C10orf90: variants seen among roughly 807,000 people sequenced by gnomAD.
C10orf90 encodes the protein (E2-independent) E3 ubiquitin-conjugating enzyme FATS.
A neutral mutation model predicts 62.5 loss-of-function variants in C10orf90; 56 were observed. The ratio of observed to expected loss-of-function variants is 0.90; its 90% confidence interval spans 0.72 to 1.12. C10orf90 has a LOEUF of 1.12. Among genes scored for constraint, C10orf90 ranks in the 50% most tolerant of loss-of-function variants. C10orf90 has a pLI of 0.00. For missense variants in C10orf90, 970 were observed against 880.4 expected, an observed-to-expected ratio of 1.10 and a Z score of -1.29; for synonymous variants, 386 against 340.4, an observed-to-expected ratio of 1.13 and a Z score of -1.47.
chr10:126,468,601 G>A (rs1042972754), intron 4 of C10orf90, among the ~76,000 whole-genome samples: 11 of 152,260 alleles, frequency 7.2e-5, no homozygotes, highest in Non-Finnish European at 5.9e-5. Flanking sequence ...TAGCACCAGG[G>A]GAGTGGGCTG....
intron 4 of C10orf90, among the ~76,000 whole-genome samples, chr10:126,491,521 T>C (rs1287518908): frequency 1.3e-5 from 2 of 152,144 alleles, no homozygotes; most frequent in Non-Finnish European, 2.9e-5. Context: ...AATTAAAATT[T>C]GGAAAAAGTA....
intron 7 of C10orf90, among the ~76,000 whole-genome samples, chr10:126,430,747 G>T (rs1209965331): frequency 6.6e-6 from 1 of 152,228 alleles, no homozygotes; most frequent in African/African-American, 2.4e-5. Context: ...CCAAGCATCA[G>T]AGTTGGAGTG....
At chr10:126,466,736 AAATGTAGGTCC>A (rs574502226) in intron 4 of C10orf90, among the ~76,000 whole-genome samples, 125 of 152,340 alleles carry the variant, frequency 8.2e-4, no homozygotes, top group African/African-American at 3.0e-3. Context: ...CAAATAAACA[AAATGTAGGTCC>A]AAAGTACCTG....
rs556209981 is a variant in C10orf90 at position 126,530,687 on chromosome 10, G to A, written c.314-16748C>T. 3.9e-5 allele frequency among the ~76,000 whole-genome samples: 6 copies of A among 152,112 alleles called. No homozygotes were observed. The South Asian group carries it at 8.3e-4, about 21-fold the overall frequency. ...AGAATGAGAAGGAAGAAACCAAACC[G>A]AGCCCAGGCAGCCTGCAGGCACATG... On this transcript the variant is annotated intron_variant, in intron 2 of 9. Transcript: ENST00000488181.
chr10:126,670,355 C>T lies in C10orf90; in HGVS notation c.126G>A (p.Met42Ile), dbSNP rs1846724707. ...TFSTELKNHV[M>I]VMDFVKSNWF... ...AGTTACTCTTCACAAAATCCATGAC[C>T]ATCACATGGTTTTTCAACTCTGTAC... Residue 42 changes from methionine (M) to isoleucine (I), a missense_variant, in exon 1 of 10, where the codon ATG (methionine) becomes ATA (isoleucine). Met to Ile is a conservative substitution (Grantham distance 10). Transcript: ENST00000488181. The T allele has an allele frequency of 2.2e-6, 1 of 456,580 alleles. No individual in the cohort carries two copies. Among genetic ancestry groups the T allele is most frequent in the Non-Finnish European group, 4.4e-6 (1 of 226,984 alleles). 28.3% of individuals were successfully genotyped at this position (456,580 alleles called of 1,614,324 possible).
chr10:126,597,659 G>A (rs769809911), intron 2 of C10orf90, among the ~76,000 whole-genome samples: 24 of 152,186 alleles, frequency 1.6e-4, no homozygotes, highest in Admixed American at 4.6e-4. Context: ...TCAGGATGGC[G>A]ATGATGGATA....
At chr10:126,565,304 ATAT>A (rs1305042971) in intron 2 of C10orf90, among the ~76,000 whole-genome samples, 3 of 65,444 alleles carry the variant, frequency 4.6e-5, no homozygotes, top group Non-Finnish European at 7.8e-5. Context: ...TTTATATTAT[ATAT>A]TATATTATAT....
At chr10:126,665,800 G>A (rs868801002) in intron 1 of C10orf90, among the ~76,000 whole-genome samples, 5 of 152,154 alleles carry the variant, frequency 3.3e-5, no homozygotes, top group South Asian at 2.1e-4. Context: ...AGAGGCCAAT[G>A]TAGCTGGAAT....
intron 1 of C10orf90, among the ~76,000 whole-genome samples, chr10:126,654,563 C>T (rs1044113613): frequency 2.0e-5 from 3 of 152,190 alleles, no homozygotes; most frequent in African/African-American, 7.2e-5. Flanking sequence ...CAAACTTTCT[C>T]CATATCAGCA....
intron 2 of C10orf90, among the ~76,000 whole-genome samples, chr10:126,630,990 TACTC>T (rs1845840376): frequency 6.6e-6 from 1 of 152,182 alleles, no homozygotes; most frequent in South Asian, 2.1e-4. Flanking sequence ...GAGCAGAGGA[TACTC>T]ACTCACATGT....
At chr10:126,654,221 T>C (rs558017324) in intron 1 of C10orf90, among the ~76,000 whole-genome samples, 2 of 152,326 alleles carry the variant, frequency 1.3e-5, no homozygotes, top group African/African-American at 4.8e-5. Flanking sequence ...GCATTGACTT[T>C]ACCTCACTAA....
At chr10:126,519,926 CTCCA>C (rs1451593770) in intron 2 of C10orf90, among the ~76,000 whole-genome samples, 5 of 152,202 alleles carry the variant, frequency 3.3e-5, no homozygotes, top group Non-Finnish European at 7.3e-5. Flanking sequence ...GGCCGGCTGC[CTCCA>C]AGTTGCCTCA....
intron 7 of C10orf90, among the ~76,000 whole-genome samples, chr10:126,445,590 A>G (rs1158253364): frequency 6.6e-6 from 1 of 152,128 alleles, no homozygotes; most frequent in Non-Finnish European, 1.5e-5. Context: ...TACAGCCCCT[A>G]TGAAAAACAG....
chr10:126,543,171 A>G (rs994660664), intron 2 of C10orf90, among the ~76,000 whole-genome samples: 11 of 152,178 alleles, frequency 7.2e-5, no homozygotes, highest in Non-Finnish European at 1.3e-4. Context: ...ATAGTTTCAT[A>G]AAGTGGCGGT....
At chr10:126,434,922 A>G (rs1468808472) in intron 7 of C10orf90, among the ~76,000 whole-genome samples, 1 of 152,212 alleles carries the variant, frequency 6.6e-6, no homozygotes, top group Non-Finnish European at 1.5e-5. Context: ...AGCCCTCCAG[A>G]AATTAAACAG....
chr10:126,435,979 T>G (rs1215278083), intron 7 of C10orf90, among the ~76,000 whole-genome samples: 1 of 152,082 alleles, frequency 6.6e-6, no homozygotes, highest in Non-Finnish European at 1.5e-5. Context: ...TCTTGGCTGG[T>G]TACTCCTCAA....
rs190891451 is a variant in C10orf90 at position 126,466,519 on chromosome 10, T to A, written c.1535-1533A>T. ...TTGTTCCACACCCTCTGTCCTGGAG[T>A]GCCCCCTGCTCCAGCCAGTGGAAGC... is the stretch of plus-strand genomic sequence containing the variant. On this transcript the variant is annotated intron_variant, in intron 4 of 9. Transcript: ENST00000488181. 2.0e-5 allele frequency among the ~76,000 whole-genome samples: 3 copies of A among 152,188 alleles called. No homozygotes were observed. The East Asian group carries it at 5.8e-4, about 29-fold the overall frequency.
At chr10:126,434,692 G>A (rs923902186) in intron 7 of C10orf90, among the ~76,000 whole-genome samples, 1 of 152,122 alleles carries the variant, frequency 6.6e-6, no homozygotes, top group Non-Finnish European at 1.5e-5. Context: ...AATGGAAATG[G>A]GTTGTGTTTA....
At chr10:126,611,991 C>T (rs1230493779) in intron 2 of C10orf90, among the ~76,000 whole-genome samples, 2 of 152,164 alleles carry the variant, frequency 1.3e-5, no homozygotes, top group Non-Finnish European at 2.9e-5. Flanking sequence ...TGAAATTCAA[C>T]ATTCAGTGGT....
Sources: gnomAD v4.1 joint callset for allele counts (sites outside exome capture counted in the v4.1 genomes callset) on GRCh38, gnomAD v4.1.1 for gene constraint, MANE v1.5 for transcripts, NCBI Gene and HGNC (gene_info 2026-07-23, HGNC 2026-07-21) for gene names.